GPR176: variants seen among roughly 807,000 people sequenced by gnomAD.
The protein encoded by GPR176 is G protein-coupled receptor 176, also known as G-protein coupled receptor 176.
A neutral mutation model predicts 35.4 loss-of-function variants in GPR176; 26 were observed. The ratio of observed to expected loss-of-function variants is 0.74; its 90% CI spans 0.54 to 1.02. GPR176 has a LOEUF of 1.02. GPR176 is among the 50% of genes least tolerant of loss of function. The pLI is 0.00. For synonymous variants in GPR176, 278 were observed against 271.3 expected, an observed-to-expected ratio of 1.02 and a Z score of -0.24; for missense variants, 597 against 665.3, an observed-to-expected ratio of 0.90 and a Z score of 1.13.
chr15:39,903,833 G>A (rs1024013426), intron 1 of GPR176, among the ~76,000 whole-genome samples: 4 of 152,156 alleles, frequency 2.6e-5, no homozygotes, highest in African/African-American at 9.7e-5. Flanking sequence ...GAGGATTCTT[G>A]GGTCTCGTGC....
At chr15:39,817,139 G>A (rs191591242) in intron 1 of GPR176, among the ~76,000 whole-genome samples, 9 of 149,450 alleles carry the variant, frequency 6.0e-5, no homozygotes, top group East Asian at 2.0e-4. Flanking sequence ...GCCAGCAAGC[G>A]CCCTTGTGCA....
chr15:39,863,054 T>C (rs2031671793), intron 1 of GPR176, among the ~76,000 whole-genome samples: 1 of 151,472 alleles, frequency 6.6e-6, no homozygotes, highest in African/African-American at 2.4e-5. Context: ...TATGTCTTAG[T>C]TTTTCTTTTT....
intron 1 of GPR176, among the ~76,000 whole-genome samples, chr15:39,885,115 T>C (rs1262865253): frequency 6.6e-6 from 1 of 152,180 alleles, no homozygotes; most frequent in African/African-American, 2.4e-5. Context: ...TCTTCACAAT[T>C]GACTTATGTT....
At chr15:39,807,612 CATGTTGCCAAA>C in intron 1 of GPR176, 2 of 1,146,358 alleles carry the variant, frequency 1.7e-6, no homozygotes, top group East Asian at 5.1e-5. Flanking sequence ...TAGTGACCTC[CATGTTGCCAAA>C]CTCTGCAACA....
rs948231991 is a variant in GPR176 at position 39,815,311 on chromosome 15, G to A, written c.173-8053C>T. ...TGGAACACTGAGGTCTCCCATGGGA[G>A]AATCACCCAGGTTTGCCCTGTGAAG... On this transcript the variant is annotated intron_variant, in intron 1 of 2. Coordinates refer to ENST00000561100, the MANE Select transcript of GPR176 (RefSeq NM_007223.3). 4.6e-5 allele frequency: 7 copies of A among 152,290 alleles called. No homozygotes were observed. The East Asian group carries it at 1.2e-3, about 25-fold the overall frequency. The allele number at this position is 152,290 out of a possible 1,614,324, so 9.4% of individuals were successfully genotyped here.
At position 39,807,204 on chromosome 15, in the gene GPR176, G is replaced by A; in HGVS notation, c.227C>T (p.Thr76Ile). ...GGCCAGGTTTTTAATGAACCTGTTG[G>A]TGACAGATTTGAACACGGTTGTGCG... is the stretch of plus-strand genomic sequence containing the variant. ...TCRTTVFKSVTNRFIKNLACS... is the reference protein window; with the variant it reads ...TCRTTVFKSVINRFIKNLACS... The change falls in exon 2 of 3, where the codon ACC becomes ATC. Residue 76 changes from threonine to isoleucine, a missense_variant. Coordinates refer to ENST00000561100, the MANE Select transcript of GPR176 (RefSeq NM_007223.3). 6.2e-7 allele frequency: 1 copy of A among 1,613,140 alleles called. No individual in the cohort carries two copies. The highest frequency in any genetic ancestry group is 8.5e-7 in the Non-Finnish European group (1 of 1,179,518).
chr15:39,849,658 G>A (rs1296377547), intron 1 of GPR176, among the ~76,000 whole-genome samples: 1 of 152,024 alleles, frequency 6.6e-6, no homozygotes, highest in Non-Finnish European at 1.5e-5. Context: ...TCACAATTAG[G>A]TCAATCAATG....
intron 1 of GPR176, among the ~76,000 whole-genome samples, chr15:39,833,609 T>TA (rs1901226685): frequency 6.6e-6 from 1 of 152,154 alleles, no homozygotes; most frequent in African/African-American, 2.4e-5. Flanking sequence ...GTAAATATGC[T>TA]AAAAACCAGT....
At chr15:39,864,297 C>T (rs2031732628) in intron 1 of GPR176, among the ~76,000 whole-genome samples, 1 of 152,094 alleles carries the variant, frequency 6.6e-6, no homozygotes, top group Non-Finnish European at 1.5e-5. Context: ...GTCACCACAT[C>T]AAAAGGGCTG....
intron 1 of GPR176, among the ~76,000 whole-genome samples, chr15:39,912,163 A>C (rs1032282060): frequency 1.3e-5 from 2 of 152,178 alleles, no homozygotes; most frequent in African/African-American, 4.8e-5. Context: ...TTTTAAGATA[A>C]AGTTTTCTTA....
intron 1 of GPR176, among the ~76,000 whole-genome samples, chr15:39,847,942 C>G (rs2030566129): frequency 6.6e-6 from 1 of 151,954 alleles, no homozygotes; most frequent in South Asian, 2.1e-4. Flanking sequence ...ACAATCATGG[C>G]CGAAGGTGAT....
chr15:39,844,715 G>A (rs2140797694), intron 1 of GPR176, among the ~76,000 whole-genome samples: 1 of 152,098 alleles, frequency 6.6e-6, no homozygotes, highest in Middle Eastern at 3.4e-3. Context: ...TTCTAACAAG[G>A]CCTCAACAGT....
rs745906045 is a variant in GPR176, at chr15:39,802,017, C to T, written c.663G>A (p.Val221=). 5 of 1,613,968 alleles carry T rather than the reference C, an allele frequency of 3.1e-6. No homozygotes were observed. Among genetic ancestry groups the T allele is most frequent in the Non-Finnish European group, 4.2e-6 (5 of 1,180,008 alleles). ...GTCGGATCAGTATCAAGAAGAGGAA[C>T]ACCACCACCACAGGCACAATGACCG... The part of the protein sequence containing the change: ...ITTVIVPVVV[V]FLFLILIRRA... The change falls in exon 3 of 3, where the codon GTG becomes GTA. Residue 221 remains valine (V), a synonymous_variant. Coordinates refer to ENST00000561100, the MANE Select transcript of GPR176 (RefSeq NM_007223.3).
intron 1 of GPR176, among the ~76,000 whole-genome samples, chr15:39,820,771 T>C (rs1425367422): frequency 1.3e-5 from 2 of 152,186 alleles, no homozygotes; most frequent in Non-Finnish European, 2.9e-5. Flanking sequence ...CTTGCTTTTC[T>C]CTCTTTTCTT....
intron 1 of GPR176, among the ~76,000 whole-genome samples, chr15:39,901,677 A>C (rs564955416): frequency 3.5e-4 from 54 of 152,202 alleles, no homozygotes; most frequent in Non-Finnish European, 6.6e-4. Context: ...CCTGATGCTC[A>C]CCTGTCATCT....
chr15:39,823,005 G>A, intron 1 of GPR176, among the ~76,000 whole-genome samples: 1 of 152,132 alleles, frequency 6.6e-6, no homozygotes, highest in East Asian at 1.9e-4. Context: ...GTTCCCAGTT[G>A]GACATTAGAA....
At chr15:39,859,379 T>A (rs1349276331) in intron 1 of GPR176, among the ~76,000 whole-genome samples, 1 of 150,402 alleles carries the variant, frequency 6.6e-6, no homozygotes, top group East Asian at 2.0e-4. Context: ...AAAGAGGATA[T>A]ACAAATGGCT....
chr15:39,813,709 T>C (rs1339937021), intron 1 of GPR176: 1 of 152,192 alleles, frequency 6.6e-6, no homozygotes, highest in East Asian at 1.9e-4. Flanking sequence ...ATGTCTTTTA[T>C]CATCATTTTA....
chr15:39,872,839 C>A (rs1319021371), intron 1 of GPR176, among the ~76,000 whole-genome samples: 1 of 152,070 alleles, frequency 6.6e-6, no homozygotes, highest in Non-Finnish European at 1.5e-5. Flanking sequence ...ACACCTCCCA[C>A]CAAGCCTCAC....
Sources: gnomAD v4.1 joint callset for allele counts (sites outside exome capture counted in the v4.1 genomes callset) on GRCh38, gnomAD v4.1.1 for gene constraint, MANE v1.5 for transcripts, NCBI Gene and HGNC (gene_info 2026-07-23, HGNC 2026-07-21) for gene names.